DEF8: variants seen among roughly 807,000 people sequenced by gnomAD.
DEF8 encodes the protein differentially expressed in FDCP 8 homolog, also known as DEF-8.
In DEF8, 38 loss-of-function variants were observed where a neutral mutation model predicts 59.1. That is an observed-to-expected ratio of 0.64 (90% confidence interval 0.50 to 0.84). The LOEUF (loss-of-function observed/expected upper bound fraction) is 0.84. Ranked by LOEUF, DEF8 falls within the 40% of genes least tolerant of loss-of-function variation. The probability of loss-of-function intolerance (pLI) is 0.00; values close to 1 mark genes in which losing one functional copy is unlikely to be tolerated. For synonymous variants in DEF8, 265 were observed against 250.1 expected (o/e 1.06, Z -0.56); for missense variants, 557 against 615.2 (o/e 0.91, Z 1.00).
chr16:89,964,585 G>A lies in DEF8; in HGVS notation c.1253+10G>A, dbSNP rs1480829996. On this transcript the variant is annotated intron_variant, in intron 12 of 12. Coordinates refer to ENST00000563594, the MANE Select transcript of DEF8 (RefSeq NM_001242818.2). Reference sequence around the variant, plus strand: ...CCGCGGTCTTCCACAGGTGGGTGTGGCCTGGGCCCCGCACTCGGGGGCTGG... The same window carrying A: ...CCGCGGTCTTCCACAGGTGGGTGTGACCTGGGCCCCGCACTCGGGGGCTGG... 2 of 1,551,098 alleles carry A rather than the reference G, an allele frequency of 1.3e-6. No homozygotes were observed. The highest frequency in any genetic ancestry group is 1.4e-5 in the African/African-American group (1 of 73,230).
In DEF8 at chr16:89,949,492, T is replaced by G; in HGVS notation, c.-32T>G. 6.2e-7 allele frequency: 1 copy of G among 1,612,752 alleles called. No homozygotes were observed. The highest frequency in any genetic ancestry group is 8.5e-7 in the Non-Finnish European group (1 of 1,179,876). On this transcript the variant is annotated 5_prime_UTR_variant, in exon 2 of 13. Coordinates refer to ENST00000563594, the MANE Select transcript of DEF8 (RefSeq NM_001242818.2). ...TGGCCATCCTGTCCCTGCGAGCCCC[T>G]GGGCCCTGGCAGGCGATGCAGGTAT...
At chr16:89,950,782 C>G (rs961254604) in intron 2 of DEF8, among the ~76,000 whole-genome samples, 2 of 148,094 alleles carry the variant, frequency 1.4e-5, no homozygotes, top group African/African-American at 5.1e-5. Flanking sequence ...GAGTTTGAGA[C>G]CAGCCTGGGC....
At chr16:89,961,951 T>C (rs543610885) in intron 8 of DEF8, 61 bp from the exon 9 acceptor site, 1 of 1,606,600 alleles carries the variant, frequency 6.2e-7, no homozygotes, top group African/African-American at 1.3e-5. Context: ...CCTGGTTGGG[T>C]GTTGCCCGCT....
intron 5 of DEF8, among the ~76,000 whole-genome samples, chr16:89,958,769 C>A (rs1032884745): frequency 2.6e-5 from 4 of 152,170 alleles, no homozygotes; most frequent in African/African-American, 9.7e-5. Context: ...CACAGCCCCT[C>A]GCTGCAAGGG....
At chr16:89,961,955 G>A in intron 8 of DEF8, 57 bp from the exon 9 acceptor site, 1 of 1,608,354 alleles carries the variant, frequency 6.2e-7, no homozygotes. Context: ...GTTGGGTGTT[G>A]CCCGCTGCAC....
At position 89,959,122 on chromosome 16, in the gene DEF8, T is replaced by G; in HGVS notation, c.481T>G (p.Trp161Gly). ...CTGTGACAAGTGTAACACCATCATCTGGGGGCTCATTCAGACCTGGTACAC... is the reference window on the plus strand; with the variant it reads ...CTGTGACAAGTGTAACACCATCATCGGGGGGCTCATTCAGACCTGGTACAC... The part of the protein sequence containing the change: ...QTCDKCNTII[W>G]GLIQTWYTCT... The change falls in exon 6 of 13, where the codon TGG (tryptophan) becomes GGG (glycine). Residue 161 changes from tryptophan to glycine, a missense_variant. Coordinates refer to ENST00000563594, the MANE Select transcript of DEF8 (RefSeq NM_001242818.2). 6.2e-7 allele frequency: 1 copy of G among 1,613,910 alleles called. No individual in the cohort carries two copies. The highest frequency in any genetic ancestry group is 8.5e-7 in the Non-Finnish European group (1 of 1,180,020).
intron 10 of DEF8, chr16:89,963,937 G>A: frequency 1.6e-6 from 1 of 625,564 alleles, no homozygotes; most frequent in Non-Finnish European, 2.9e-6. Context: ...GTGGCTGGGA[G>A]GGGCTGCCTT....
chr16:89,953,157 C>T (rs2032504472), intron 2 of DEF8, among the ~76,000 whole-genome samples: 1 of 152,218 alleles, frequency 6.6e-6, no homozygotes, highest in Non-Finnish European at 1.5e-5. Flanking sequence ...GTTGCAGTTA[C>T]TGAACAACTT....
At chr16:89,964,041 T>C (rs747481390) in intron 10 of DEF8, 129 bp from the exon 11 acceptor site, 4 of 1,280,696 alleles carry the variant, frequency 3.1e-6, no homozygotes, top group South Asian at 2.4e-5. Context: ...ATTCTACTCC[T>C]GGGGCCCAGA....
In DEF8 at chr16:89,954,502, G is replaced by A. The variant is rs1012708809; in HGVS notation, c.124+126G>A. The A allele has an allele frequency of 1.9e-6, 2 of 1,061,014 alleles. No individual in the cohort carries two copies. Among genetic ancestry groups the A allele is most frequent in the East Asian group, 5.0e-5 (2 of 40,100 alleles). The allele number at this position is 1,061,014 out of a possible 1,614,324, so 65.7% of individuals were successfully genotyped here. On this transcript the variant is annotated intron_variant, in intron 3 of 12. Coordinates refer to ENST00000563594, the MANE Select transcript of DEF8 (RefSeq NM_001242818.2). This position sits in a 1 kb window ranked among gnomAD's most constrained non-coding sequence, Gnocchi z 4.3. ...CCCACGGAGCCGGCACCTGCTGGCT[G>A]TGTTCTTTTTCCCATCTCTTCTGTG...
At chr16:89,959,662 T>A (rs191552418) in intron 6 of DEF8, among the ~76,000 whole-genome samples, 2,878 of 152,090 alleles carry the variant, frequency 0.019, 60 homozygotes, top group South Asian at 0.082. Flanking sequence ...GCCCGGCTAA[T>A]TTTTTGTATT....
chr16:89,952,229 C>T (rs1333520361), intron 2 of DEF8, among the ~76,000 whole-genome samples: 5 of 152,184 alleles, frequency 3.3e-5, no homozygotes, highest in Admixed American at 6.5e-5. Flanking sequence ...TGGGCCTGGC[C>T]GGATGCCGTC....
rs781582256 is a variant in DEF8 at position 89,966,058 on chromosome 16, C to T, written c.*95C>T. On this transcript the variant is annotated 3_prime_UTR_variant, in exon 13 of 13. Transcript: ENST00000563594. The stretch of plus-strand genomic sequence containing the variant: ...TTCTGCTCCGGAGACCCCTGGGGTG[C>T]GGCCCTGGCCCCCTCCACCCCTGCT... 4.9e-5 allele frequency: 46 copies of T among 941,782 alleles called. No individual in the cohort carries two copies. Among genetic ancestry groups the T allele is most frequent in the East Asian group, 1.4e-4 (5 of 36,478 alleles). The allele number at this position is 941,782 out of a possible 1,614,324, so 58.3% of individuals were successfully genotyped here.
intron 5 of DEF8, 52 bp from the exon 6 acceptor site, chr16:89,958,962 G>C (rs1029934304): frequency 3.8e-6 from 6 of 1,594,404 alleles, no homozygotes; most frequent in Non-Finnish European, 5.1e-6. Flanking sequence ...CGAAGGGAAA[G>C]GAACTTCAGC....
At chr16:89,957,787 G>C in intron 5 of DEF8, 127 bp downstream of exon 5, 1 of 1,191,652 alleles carries the variant, frequency 8.4e-7, no homozygotes, top group Non-Finnish European at 1.2e-6. Context: ...CAGGGGCTGA[G>C]GTAGAAGGGC....
chr16:89,949,628 C>T (rs762003508), intron 2 of DEF8, 115 bp downstream of exon 2: 10 of 1,611,788 alleles, frequency 6.2e-6, no homozygotes, highest in Admixed American at 1.7e-5. Flanking sequence ...GGGCAGGACG[C>T]GGGAGGCCAG....
chr16:89,959,307 G>A (rs1034998643), intron 6 of DEF8, 152 bp downstream of exon 6: 56 of 1,491,376 alleles, frequency 3.8e-5, no homozygotes, highest in African/African-American at 3.8e-4. Context: ...GCATTTCCTC[G>A]TTGTACTGTC....
Position 89,966,048 on chromosome 16 carries a change from C to A in DEF8, c.*85C>A. 9.1e-7 allele frequency: 1 copy of A among 1,099,092 alleles called. No homozygotes were observed. 68.1% of individuals were successfully genotyped at this position (1,099,092 alleles called of 1,614,324 possible). On this transcript the variant is annotated 3_prime_UTR_variant, in exon 13 of 13. Transcript: ENST00000563594. ...AAGTTGTTCCTTCTGCTCCGGAGAC[C>A]CCTGGGGTGCGGCCCTGGCCCCCTC...
intron 2 of DEF8, among the ~76,000 whole-genome samples, chr16:89,951,265 T>C (rs189999118): frequency 3.5e-4 from 54 of 152,160 alleles, no homozygotes; most frequent in African/African-American, 1.3e-3. Flanking sequence ...CTTTTCTTTT[T>C]TTTTTTTCTG....
Sources: allele counts gnomAD v4.1 joint callset (sites outside exome capture counted in the v4.1 genomes callset), GRCh38; gene constraint gnomAD v4.1.1; non-coding constraint Gnocchi (gnomAD v3.1); transcripts MANE v1.5; gene names NCBI Gene and HGNC (gene_info 2026-07-23, HGNC 2026-07-21).